PALM2AKAP2: variants seen among roughly 807,000 people sequenced by gnomAD.
PALM2AKAP2 encodes the protein PALM2-AKAP2 fusion protein.
A neutral mutation model predicts 71.5 loss-of-function variants in PALM2AKAP2; 37 were observed. The observed-to-expected ratio is 0.52, with a 90% CI of 0.40 to 0.68. The LOEUF is 0.68. PALM2AKAP2 is among the 30% of genes least tolerant of loss of function. The pLI is 0.00. For missense variants in PALM2AKAP2, 1,224 were observed against 1,191.8 expected, an observed-to-expected ratio of 1.03 and a Z score of -0.40; for synonymous variants, 468 against 478.8, an observed-to-expected ratio of 0.98 and a Z score of 0.29.
intron 1 of PALM2AKAP2, among the ~76,000 whole-genome samples, chr9:109,858,947 A>G (rs1475058123): frequency 6.6e-6 from 1 of 152,200 alleles, no homozygotes; most frequent in Non-Finnish European, 1.5e-5. Context: ...ACCTTAAAAA[A>G]CAGACTTAAG....
intron 1 of PALM2AKAP2, among the ~76,000 whole-genome samples, chr9:109,794,111 A>G (rs548616016): frequency 6.6e-6 from 1 of 152,306 alleles, no homozygotes; most frequent in Non-Finnish European, 1.5e-5. Flanking sequence ...AGAACAATAA[A>G]GCATCTCAGA....
At chr9:110,136,580 A>G (rs377221173) in exon 2 of PALM2AKAP2, 10 of 1,613,656 alleles carry the variant, frequency 6.2e-6, no homozygotes, top group Non-Finnish European at 7.6e-6. Context: ...ACCTCCTCAC[A>G]TCGAGCTCAG....
upstream of PALM2AKAP2, among the ~76,000 whole-genome samples, chr9:109,779,996 G>T (rs1829408697): frequency 1.3e-5 from 2 of 151,806 alleles, no homozygotes; most frequent in South Asian, 4.1e-4. Context: ...GCGCCCCAGC[G>T]GCTCGCCGTG....
At chr9:110,137,376 C>G (rs1460085545) in exon 2 of PALM2AKAP2, 2 of 1,614,158 alleles carry the variant, frequency 1.2e-6, no homozygotes. Flanking sequence ...GGGGGACCTC[C>G]AGAAGACAGT....
Position 110,136,550 on chromosome 9 carries a change from A to T in PALM2AKAP2, c.580A>T (p.Arg194Ter). 1 of 1,613,500 alleles carries T rather than the reference A, an allele frequency of 6.2e-7. No individual in the cohort carries two copies. The highest frequency in any genetic ancestry group is 8.5e-7 in the Non-Finnish European group (1 of 1,180,030). The change falls in exon 2 of 4, where the codon AGA (arginine) becomes TGA (stop). Residue 194 changes from arginine to a stop codon, truncating the protein, a stop_gained. Coordinates refer to ENST00000374525, the Ensembl canonical transcript of PALM2AKAP2. LOFTEE classifies it high-confidence loss of function. ...GGCGACCCAGCCAGAACCCACTGAA[A>T]GAACAGCTAGCCGGCAGGCACCTCC...
In PALM2AKAP2 at chr9:110,077,886, C is replaced by T. The variant is rs897702866; in HGVS notation, c.156+29031C>T. Among the ~76,000 whole-genome samples the T allele has an allele frequency of 2.3e-4, 35 of 151,988 alleles. 1 individual carries two copies. Among genetic ancestry groups the T allele is most frequent in the South Asian group, 2.1e-4 (1 of 4,802 alleles). ...AAAATTAGCTGGGCGTGGTGGTGTA[C>T]GCCTGTAATCCTAGCTACTCAGGAG... On this transcript the variant is annotated intron_variant, in intron 1 of 3. Coordinates refer to ENST00000374525, the Ensembl canonical transcript of PALM2AKAP2.
intron 7 of PALM2AKAP2, among the ~76,000 whole-genome samples, chr9:110,035,672 T>C (rs942528870): frequency 1.6e-5 from 2 of 125,134 alleles, no homozygotes; most frequent in African/African-American, 6.5e-5. Flanking sequence ...ATATGTTGTG[T>C]GTTATATATA....
At chr9:110,068,319 G>A (rs1158954647) in intron 1 of PALM2AKAP2, among the ~76,000 whole-genome samples, 2 of 149,482 alleles carry the variant, frequency 1.3e-5, no homozygotes, top group African/African-American at 5.1e-5. Context: ...CTTTAAGGAG[G>A]CAACTGAATA....
intron 1 of PALM2AKAP2, among the ~76,000 whole-genome samples, chr9:109,726,883 C>A (rs146844840): frequency 6.1e-4 from 93 of 152,218 alleles, no homozygotes; most frequent in African/African-American, 2.1e-3. Flanking sequence ...GTTGAAAACC[C>A]ACATGTGGCT....
chr9:109,864,964 C>G lies in PALM2AKAP2; in HGVS notation c.46-2527C>G, dbSNP rs140273802. On this transcript the variant is annotated intron_variant, in intron 1 of 9. Coordinates refer to the PALM2AKAP2 transcript ENST00000302798. ...AGTCATTGATCTCTGTTCCTAAAGG[C>G]AAGCCCTACAACCAGTTAGATTTTC... Among the ~76,000 whole-genome samples the G allele has an allele frequency of 2.1e-3, 319 of 152,238 alleles. 2 individuals carry two copies. The highest frequency in any genetic ancestry group is 7.1e-3 in the African/African-American group (296 of 41,552).
chr9:109,752,963 A>G (rs1234328884), intron 1 of PALM2AKAP2, among the ~76,000 whole-genome samples: 1 of 152,158 alleles, frequency 6.6e-6, no homozygotes. Context: ...CTAGCTGGTC[A>G]AGAAGAGGAG....
At chr9:109,812,342 T>G (rs1827746881) in intron 1 of PALM2AKAP2, among the ~76,000 whole-genome samples, 1 of 151,968 alleles carries the variant, frequency 6.6e-6, no homozygotes, top group South Asian at 2.1e-4. Flanking sequence ...GGGTTGTTTG[T>G]GAGATTGGAG....
rs151295306 is a variant in PALM2AKAP2 at position 110,137,901 on chromosome 9, C to A, written c.1931C>A (p.Thr644Lys). The change falls in exon 2 of 4, where the codon ACG (threonine) becomes AAG (lysine). Residue 644 changes from threonine to lysine, a missense_variant. Physicochemically the swap from Thr to Lys is moderately conservative, Grantham distance 78. Coordinates refer to ENST00000374525, the Ensembl canonical transcript of PALM2AKAP2. ...CATGGTTTCTATTCCCCTTCCTCCA[C>A]GCTGGGGGACTCTCCGTTGGTTGAT... The A allele has an allele frequency of 3.7e-6, 6 of 1,614,050 alleles. No individual in the cohort carries two copies. The African/African-American group carries it at 5.3e-5, about 14-fold the overall frequency.
intron 1 of PALM2AKAP2, among the ~76,000 whole-genome samples, chr9:110,083,962 A>C (rs552266855): frequency 5.3e-5 from 8 of 152,234 alleles, no homozygotes; most frequent in African/African-American, 2.4e-5. Context: ...TGGGATATCC[A>C]ACCTGAGAGA....
In PALM2AKAP2 at chr9:109,807,422, T is replaced by C. The variant is rs192464390; in HGVS notation, c.45+26889T>C. Among the ~76,000 whole-genome samples, 8 of 152,292 alleles carry C rather than the reference T, an allele frequency of 5.3e-5. No individual in the cohort carries two copies. In the East Asian group the frequency reaches 1.5e-3, roughly 29 times the overall value. On this transcript the variant is annotated intron_variant, in intron 1 of 9. Transcript: ENST00000302798. ...TACAACAGAAACTTATTTCTCATAG[T>C]TTTGGAGGCTTGGAAGTCCAAGACC...
chr9:109,887,118 G>A (rs1829982741), intron 3 of PALM2AKAP2, among the ~76,000 whole-genome samples: 1 of 152,188 alleles, frequency 6.6e-6, no homozygotes, highest in Non-Finnish European at 1.5e-5. Context: ...GAGGCTCAAA[G>A]CCAAAGGCGT....
At chr9:109,979,285 G>A (rs936392240) in intron 6 of PALM2AKAP2, among the ~76,000 whole-genome samples, 1 of 152,164 alleles carries the variant, frequency 6.6e-6, no homozygotes, top group Admixed American at 6.5e-5. Flanking sequence ...TAGCCATTGC[G>A]CCTGGTCTCA....
intron 1 of PALM2AKAP2, among the ~76,000 whole-genome samples, chr9:109,748,211 C>T (rs1828832406): frequency 6.6e-6 from 1 of 151,982 alleles, no homozygotes. Context: ...ACCAAGCATG[C>T]AAAGGAGGGA....
At chr9:110,148,791 G>T (rs1431275713) in intron 2 of PALM2AKAP2, 1 of 152,156 alleles carries the variant, frequency 6.6e-6, no homozygotes, top group Non-Finnish European at 1.5e-5. Context: ...GGAAACAAAG[G>T]CTCTTTGATT....
Sources: allele counts gnomAD v4.1 joint callset (sites outside exome capture counted in the v4.1 genomes callset), GRCh38; gene constraint gnomAD v4.1.1; transcripts MANE v1.5; gene names NCBI Gene and HGNC (gene_info 2026-07-23, HGNC 2026-07-21).